The following IL6R variants were observed in gnomAD, a reference collection of about 807,000 sequenced individuals.
The protein encoded by IL6R is interleukin 6 receptor, also known as interleukin-6 receptor subunit alpha.
IL6R carries 38 observed loss-of-function variants against 48.3 expected under a neutral mutation model. The observed-to-expected ratio is 0.79, with a 90% confidence interval of 0.61 to 1.03. The LOEUF is 1.03. Ranked by LOEUF, IL6R falls within the 50% of genes least tolerant of loss-of-function variation. The pLI is 0.00. For synonymous variants in IL6R, 264 were observed against 256.2 expected, an observed-to-expected ratio of 1.03 and a Z score of -0.29; for missense variants, 534 against 618.3, an observed-to-expected ratio of 0.86 and a Z score of 1.45.
In IL6R at chr1:154,447,464, T is replaced by TACACAC. The variant is rs1558323479; in HGVS notation, c.950-660_950-659insCACACA. Among the ~76,000 whole-genome samples, 277 of 93,438 alleles carry TACACAC rather than the reference T, an allele frequency of 3.0e-3. 7 individuals are homozygous for TACACAC. The highest frequency in any genetic ancestry group is 0.015 in the African/African-American group (266 of 17,560). The allele number at this position is 93,438 out of a possible 152,430, so 61.3% of individuals were successfully genotyped here. A position where few individuals can be genotyped will look rare whatever the true frequency, so the allele number is the denominator to read the frequency against. ...AAAAAAAAAAAAAAAAATATATATA[T>TACACAC]ATATATATATATACACACACACACA... On this transcript the variant is annotated intron_variant, in intron 6 of 9. Transcript: ENST00000368485.
intron 3 of IL6R, among the ~76,000 whole-genome samples, chr1:154,430,811 C>G (rs1374781956): frequency 6.6e-6 from 1 of 152,208 alleles, no homozygotes; most frequent in Non-Finnish European, 1.5e-5. Context: ...GAACCTTGTC[C>G]TATTCACTTG....
At chr1:154,420,607 C>T (rs1688606981) in intron 1 of IL6R, among the ~76,000 whole-genome samples, 1 of 143,498 alleles carries the variant, frequency 7.0e-6, no homozygotes, top group Admixed American at 6.8e-5. Context: ...CAGCCTTCGA[C>T]TCACTGCAGC....
chr1:154,415,921 T>C (rs1688317774), intron 1 of IL6R, among the ~76,000 whole-genome samples: 1 of 152,018 alleles, frequency 6.6e-6, no homozygotes, highest in Non-Finnish European at 1.5e-5. Context: ...GCCACGATTG[T>C]GCCACTGCAC....
At chr1:154,421,202 T>C (rs1688643193) in intron 1 of IL6R, among the ~76,000 whole-genome samples, 1 of 152,138 alleles carries the variant, frequency 6.6e-6, no homozygotes, top group Non-Finnish European at 1.5e-5. Context: ...GACAGTCGGT[T>C]TTTTCTCAGG....
At chr1:154,459,958 G>A (rs1691150234) in intron 9 of IL6R, among the ~76,000 whole-genome samples, 1 of 152,138 alleles carries the variant, frequency 6.6e-6, no homozygotes, top group South Asian at 2.1e-4. Context: ...TACCTCCACA[G>A]CTGGGGGACG....
chr1:154,425,869 C>T (rs962947489), intron 1 of IL6R, among the ~76,000 whole-genome samples: 10 of 151,452 alleles, frequency 6.6e-5, no homozygotes, highest in African/African-American at 1.5e-4. Flanking sequence ...GGCTTGAGGC[C>T]GGGAGTTGAA....
chr1:154,449,254 C>T (rs1690453717), intron 7 of IL6R, among the ~76,000 whole-genome samples: 1 of 151,430 alleles, frequency 6.6e-6, no homozygotes, highest in African/African-American at 2.4e-5. Flanking sequence ...GGGGCTCACA[C>T]CTGTAATCCC....
intron 1 of IL6R, among the ~76,000 whole-genome samples, chr1:154,410,253 CTTT>C (rs140751039): frequency 2.1e-5 from 3 of 144,074 alleles, no homozygotes; most frequent in Non-Finnish European, 4.6e-5. Context: ...AAGAAAAGGC[CTTT>C]TTTTTTTTTT....
chr1:154,411,309 C>T (rs183866758), intron 1 of IL6R, among the ~76,000 whole-genome samples: 38 of 152,242 alleles, frequency 2.5e-4, no homozygotes, highest in Non-Finnish European at 5.1e-4. Flanking sequence ...CTGCCTGCCT[C>T]GGCCTCCCAA....
chr1:154,440,626 T>C (rs1185845689), intron 6 of IL6R, among the ~76,000 whole-genome samples: 2 of 151,972 alleles, frequency 1.3e-5, no homozygotes, highest in African/African-American at 4.8e-5. Flanking sequence ...CACTGTGGTT[T>C]TGATTTGCAT....
At chr1:154,434,769 T>C in intron 4 of IL6R, 69 bp downstream of exon 4, 1 of 1,477,048 alleles carries the variant, frequency 6.8e-7, no homozygotes, top group Non-Finnish European at 9.3e-7. Context: ...TATCGACTTC[T>C]CAGAGTGGCA....
intron 9 of IL6R, among the ~76,000 whole-genome samples, chr1:154,464,302 C>G (rs1691428222): frequency 6.6e-6 from 1 of 151,972 alleles, no homozygotes; most frequent in Non-Finnish European, 1.5e-5. Flanking sequence ...TTACAGGTGC[C>G]TGCCACTACG....
intron 8 of IL6R, among the ~76,000 whole-genome samples, chr1:154,452,035 CG>C (rs1690613616): frequency 6.6e-6 from 1 of 152,108 alleles, no homozygotes; most frequent in Non-Finnish European, 1.5e-5. Context: ...TGCTTTGAGA[CG>C]TATCTAGGAA....
chr1:154,413,829 A>ATC (rs369231171), intron 1 of IL6R, among the ~76,000 whole-genome samples: 2,087 of 112,092 alleles, frequency 0.019, 59 homozygotes, highest in African/African-American at 0.065. Context: ...CTTTTTTTCC[A>ATC]TCTCTCTCTC....
At chr1:154,434,837 G>A (rs1436662032) in intron 4 of IL6R, 137 bp downstream of exon 4, 17 of 1,183,888 alleles carry the variant, frequency 1.4e-5, no homozygotes, top group African/African-American at 1.5e-5. Context: ...TGCTTGCCGG[G>A]AGGTGTGGCA....
chr1:154,430,395 C>G (rs1689225825), intron 2 of IL6R, 88 bp from the exon 3 acceptor site: 2 of 1,526,434 alleles, frequency 1.3e-6, no homozygotes, highest in African/African-American at 1.4e-5. Flanking sequence ...GCCACGTGCT[C>G]CCCTCAAGGG....
In IL6R at chr1:154,435,003, G is replaced by C. The variant is rs746328108; in HGVS notation, c.654G>C (p.Pro218=). 6.2e-7 allele frequency: 1 copy of C among 1,613,938 alleles called. No homozygotes were observed. Among genetic ancestry groups the C allele is most frequent in the Non-Finnish European group, 8.5e-7 (1 of 1,179,994 alleles). ...CTTTTCCCACAGTGCAGCCTGATCC[G>C]CCTGCCAACATCACAGTCACTGCCG... ...FQGCGILQPD[P]PANITVTAVA... The change falls in exon 5 of 10, where the codon CCG becomes CCC. Residue 218 remains proline, a synonymous_variant. Transcript: ENST00000368485.
At position 154,436,586 on chromosome 1, in the gene IL6R, G is replaced by A. The variant is rs138583644; in HGVS notation, c.949+476G>A. Among the ~76,000 whole-genome samples the A allele has an allele frequency of 2.6e-3, 401 of 152,330 alleles. 4 individuals carry two copies. The highest frequency in any genetic ancestry group is 9.3e-3 in the African/African-American group (387 of 41,568). On this transcript the variant is annotated intron_variant, in intron 6 of 9. Coordinates refer to ENST00000368485, the MANE Select transcript of IL6R (RefSeq NM_000565.4). ...TGCTGGTCTTGCCTGAATCAGGAAT[G>A]CAGCTGCCATCAGATTGGGATGGTC...
rs761277244 is a variant in IL6R at position 154,434,476 on chromosome 1, C to T, written c.459-43C>T. ...CCTTCTGTCCCGTCTTGAGTCTGTG[C>T]GAAACTGACAGGCAAGCCCTGCCCT... On this transcript the variant is annotated intron_variant, in intron 3 of 9. Transcript: ENST00000368485. 1.5e-5 allele frequency: 24 copies of T among 1,572,156 alleles called. No homozygotes were observed. In the East Asian group the frequency reaches 3.8e-4, roughly 25 times the overall value.
Sources: gnomAD v4.1 joint callset for allele counts (sites outside exome capture counted in the v4.1 genomes callset) on GRCh38, gnomAD v4.1.1 for gene constraint, MANE v1.5 for transcripts, NCBI Gene and HGNC (gene_info 2026-07-23, HGNC 2026-07-21) for gene names.